TLN2: variants seen among roughly 807,000 people sequenced by gnomAD.
TLN2 encodes talin-2.
TLN2 carries 118 observed loss-of-function variants against 294.7 expected under a neutral mutation model. That is an observed-to-expected ratio of 0.40 (90% confidence interval 0.34 to 0.47). The LOEUF is 0.47. Among genes scored for constraint, TLN2 ranks in the 20% least tolerant of loss-of-function variants. The probability of loss-of-function intolerance (pLI) is 0.84; values close to 1 mark genes in which losing one functional copy is unlikely to be tolerated. For missense variants in TLN2, 3,083 were observed against 3,282.2 expected, an observed-to-expected ratio of 0.94 and a Z score of 1.48; for synonymous variants, 1,431 against 1,304.5, an observed-to-expected ratio of 1.10 and a Z score of -2.09.
intron 1 of TLN2, among the ~76,000 whole-genome samples, chr15:62,538,963 A>G (rs555515335): frequency 4.4e-4 from 67 of 152,328 alleles, no homozygotes; most frequent in African/African-American, 1.5e-3. Flanking sequence ...ATAAAATGTA[A>G]AAGATCTTAA....
intron 43 of TLN2, 150 bp from the exon 44 acceptor site, chr15:62,780,990 C>G: frequency 1.6e-6 from 1 of 616,440 alleles, no homozygotes; most frequent in Non-Finnish European, 2.9e-6. Flanking sequence ...TGTTGAAGTC[C>G]TTATTGCACA....
At chr15:62,470,586 C>T (rs942103620) in intron 1 of TLN2, among the ~76,000 whole-genome samples, 1 of 152,216 alleles carries the variant, frequency 6.6e-6, no homozygotes, top group African/African-American at 2.4e-5. Flanking sequence ...CCCCTGCCCC[C>T]AGCAGCCCTA....
At chr15:62,464,478 T>A (rs1347394283) in intron 1 of TLN2, among the ~76,000 whole-genome samples, 1 of 151,730 alleles carries the variant, frequency 6.6e-6, no homozygotes, top group African/African-American at 2.4e-5. Context: ...ACGTAAATGA[T>A]GAGTTGATGA....
At chr15:62,499,727 G>A (rs901974209) in intron 1 of TLN2, among the ~76,000 whole-genome samples, 5 of 151,936 alleles carry the variant, frequency 3.3e-5, no homozygotes, top group African/African-American at 9.7e-5. Context: ...TCAGCCTCCC[G>A]AGAGTAGCTG....
intron 19 of TLN2, 119 bp from the exon 20 acceptor site, chr15:62,706,967 A>G (rs1477450697): frequency 1.6e-6 from 2 of 1,280,474 alleles, no homozygotes; most frequent in Non-Finnish European, 2.1e-6. Context: ...AAAAAAGTAA[A>G]AAAACTTCTA....
intron 48 of TLN2, among the ~76,000 whole-genome samples, 177 bp from the exon 49 acceptor site, chr15:62,800,191 T>G (rs540036764): frequency 6.6e-6 from 1 of 152,356 alleles, no homozygotes; most frequent in Non-Finnish European, 1.5e-5. Flanking sequence ...TTCAAAGTCC[T>G]GAGTCCTGTA....
intron 3 of TLN2, among the ~76,000 whole-genome samples, chr15:62,626,645 A>G (rs569882036): frequency 1.2e-4 from 19 of 152,362 alleles, no homozygotes; most frequent in South Asian, 4.1e-4. Context: ...GGCTGCTAGA[A>G]GGCCACTCTG....
Position 62,819,622 on chromosome 15 carries a change from G to A in TLN2, c.6877+1G>A, listed in dbSNP as rs778284011. On this transcript the variant is annotated splice_donor_variant, in intron 53 of 58. Coordinates refer to ENST00000636159, the MANE Select transcript of TLN2 (RefSeq NM_015059.3). LOFTEE classifies it high-confidence loss of function. Reference sequence around the variant, plus strand: ...ATCCAGGCGGCGGAAGCCATGAAAGGTAGGCTGGATTCTCACGTCTTGGTG... The same window carrying A: ...ATCCAGGCGGCGGAAGCCATGAAAGATAGGCTGGATTCTCACGTCTTGGTG... The A allele has an allele frequency of 6.2e-7, 1 of 1,608,986 alleles. No homozygotes were observed. Among genetic ancestry groups the A allele is most frequent in the Non-Finnish European group, 8.5e-7 (1 of 1,179,914 alleles).
intron 1 of TLN2, among the ~76,000 whole-genome samples, chr15:62,487,026 G>A (rs2038435016): frequency 1.3e-5 from 2 of 152,184 alleles, no homozygotes; most frequent in Non-Finnish European, 2.9e-5. Context: ...AGTGTTCACA[G>A]TGGGTTCCCT....
chr15:62,654,160 T>C (rs1454446989), intron 7 of TLN2, among the ~76,000 whole-genome samples: 2 of 152,214 alleles, frequency 1.3e-5, no homozygotes, highest in African/African-American at 4.8e-5. Context: ...TGCATGTCTT[T>C]TTGCAGTTTT....
At chr15:62,434,753 G>T (rs2035203330) in intron 1 of TLN2, among the ~76,000 whole-genome samples, 1 of 152,188 alleles carries the variant, frequency 6.6e-6, no homozygotes, top group South Asian at 2.1e-4. Context: ...TGTGATGTGA[G>T]GTTGAGCATT....
chr15:62,814,989 C>T (rs915352340), intron 52 of TLN2, among the ~76,000 whole-genome samples: 2 of 152,178 alleles, frequency 1.3e-5, no homozygotes, highest in African/African-American at 4.8e-5. Context: ...AAGTAGTGTT[C>T]GTTTTCAGAG....
In TLN2 at chr15:62,650,251, C is replaced by T. The variant is rs373630438; in HGVS notation, c.234+70C>T. 189 of 1,485,230 alleles carry T rather than the reference C, an allele frequency of 1.3e-4. No individual in the cohort carries two copies. The African/African-American group carries it at 2.0e-3, about 15-fold the overall frequency. The allele number at this position is 1,485,230 out of a possible 1,614,324, so 92.0% of individuals were successfully genotyped here. A position where few individuals can be genotyped will look rare whatever the true frequency, so the allele number is the denominator to read the frequency against. Reference sequence around the variant, plus strand: ...GGGCCTTCTTCCATAGACGCCAACACGGTTACGCTATTTTGATTCAAGGGC... The same window carrying T: ...GGGCCTTCTTCCATAGACGCCAACATGGTTACGCTATTTTGATTCAAGGGC... On this transcript the variant is annotated intron_variant, in intron 5 of 58. Transcript: ENST00000636159.
chr15:62,812,372 A>C (rs545927507), intron 52 of TLN2, among the ~76,000 whole-genome samples: 3 of 152,306 alleles, frequency 2.0e-5, no homozygotes, highest in East Asian at 3.9e-4. Flanking sequence ...CATGGGCCTC[A>C]GGTTGGCAAT....
intron 2 of TLN2, among the ~76,000 whole-genome samples, chr15:62,615,575 A>G (rs1239294744): frequency 3.3e-5 from 5 of 152,272 alleles, no homozygotes; most frequent in East Asian, 1.9e-4. Flanking sequence ...CTTAAAGACA[A>G]TACAATGTAC....
chr15:62,814,907 G>T (rs771527367), intron 52 of TLN2, among the ~76,000 whole-genome samples: 1 of 152,106 alleles, frequency 6.6e-6, no homozygotes, highest in Non-Finnish European at 1.5e-5. Context: ...CCTGCAAGCC[G>T]CAAGACTGAC....
At chr15:62,522,941 T>TACACACACACACACACAC (rs71129007) in intron 1 of TLN2, among the ~76,000 whole-genome samples, 2 of 133,084 alleles carry the variant, frequency 1.5e-5, no homozygotes, top group African/African-American at 3.1e-5. Flanking sequence ...GAATGTGGCT[T>TACACACACACACACACAC]ACACACACAC....
intron 3 of TLN2, among the ~76,000 whole-genome samples, chr15:62,631,650 C>CTTCTTTGTCT (rs1555451410): frequency 7.1e-6 from 1 of 139,990 alleles, no homozygotes; most frequent in African/African-American, 2.7e-5. Flanking sequence ...TCTTTCTTTC[C>CTTCTTTGTCT]TTCTTTTTCT....
intron 2 of TLN2, among the ~76,000 whole-genome samples, chr15:62,611,926 G>A (rs1368281777): frequency 2.0e-5 from 3 of 152,192 alleles, no homozygotes; most frequent in African/African-American, 7.2e-5. Context: ...CTTAGGAAGT[G>A]GCTGTACATA....
Sources: gnomAD v4.1 joint callset for allele counts (sites outside exome capture counted in the v4.1 genomes callset) on GRCh38, gnomAD v4.1.1 for gene constraint, MANE v1.5 for transcripts, NCBI Gene and HGNC (gene_info 2026-07-23, HGNC 2026-07-21) for gene names.